Variants in N4BP2 observed in about 807,000 individuals in gnomAD.
N4BP2 encodes the protein NEDD4 binding protein 2.
In N4BP2, 91 loss-of-function variants were observed where a neutral mutation model predicts 152.8. The ratio of observed to expected loss-of-function variants is 0.60; its 90% CI spans 0.50 to 0.71. The LOEUF (loss-of-function observed/expected upper bound fraction) is 0.71, where lower values mean the gene tolerates loss of function less well. N4BP2 is among the 30% of genes least tolerant of loss of function. The pLI is 0.00. For synonymous variants in N4BP2, 646 were observed against 705.3 expected, an observed-to-expected ratio of 0.92 and a Z score of 1.33; for missense variants, 1,923 against 2,059.1, an observed-to-expected ratio of 0.93 and a Z score of 1.28.
intron 12 of N4BP2, among the ~76,000 whole-genome samples, chr4:40,129,153 A>G (rs182961079): frequency 1.6e-3 from 237 of 152,222 alleles, no homozygotes; most frequent in African/African-American, 5.4e-3. Flanking sequence ...GGCTCAAGCC[A>G]TCCTCCCACT....
At chr4:40,091,531 A>G (rs1035824528) in intron 2 of N4BP2, among the ~76,000 whole-genome samples, 4 of 149,546 alleles carry the variant, frequency 2.7e-5, no homozygotes, top group African/African-American at 9.8e-5. Flanking sequence ...ATGGTGGATT[A>G]TACTGATTTT....
chr4:40,186,928 A>C, the N4BP2 span, among the ~76,000 whole-genome samples: 1 of 152,124 alleles, frequency 6.6e-6, no homozygotes, highest in Non-Finnish European at 1.5e-5. Flanking sequence ...TTTTTTATCT[A>C]TGGGCCCAAT....
chr4:40,103,099 T>G lies in N4BP2; in HGVS notation c.1254T>G (p.Ser418Arg), dbSNP rs1299828685. 2 of 1,614,182 alleles carry G rather than the reference T, an allele frequency of 1.2e-6. No homozygotes were observed. Among genetic ancestry groups the G allele is most frequent in the Admixed American group, 3.3e-5 (2 of 60,024 alleles). Residue 418 changes from serine to arginine, a missense_variant, in exon 4 of 18, where the codon AGT becomes AGG. Ser to Arg is a moderately radical substitution (Grantham distance 110, BLOSUM62 -1). Transcript: ENST00000261435. ...TKVWRNKDGT[S>R]AYQVQETPVS... The stretch of plus-strand genomic sequence containing the variant: ...TATGGAGAAATAAAGATGGAACAAG[T>G]GCTTATCAAGTACAAGAAACCCCAG...
chr4:40,092,400 T>C (rs1367784417), intron 2 of N4BP2, among the ~76,000 whole-genome samples: 1 of 151,836 alleles, frequency 6.6e-6, no homozygotes, highest in East Asian at 1.9e-4. Context: ...CATTGGTCCA[T>C]TTCATATAAA....
rs187359399 is a variant in N4BP2, at chr4:40,059,753, G to T, written c.-212+2723G>T. On this transcript the variant is annotated intron_variant, in intron 1 of 17. Coordinates refer to ENST00000261435, the MANE Select transcript of N4BP2 (RefSeq NM_018177.6). ...TCATTGCCCTCGTCCTCATAGTAATGAAGTGGCTTATGTGTATGTACACAC... is the reference window on the plus strand; with the variant it reads ...TCATTGCCCTCGTCCTCATAGTAATTAAGTGGCTTATGTGTATGTACACAC... Among the ~76,000 whole-genome samples, 8 of 152,280 alleles carry T rather than the reference G, an allele frequency of 5.3e-5. No homozygotes were observed. In the East Asian group the frequency reaches 1.5e-3, roughly 29 times the overall value.
intron 5 of N4BP2, among the ~76,000 whole-genome samples, chr4:40,111,267 T>C (rs1427310037): frequency 6.6e-6 from 1 of 152,158 alleles, no homozygotes; most frequent in Non-Finnish European, 1.5e-5. Flanking sequence ...CTCAAGACTA[T>C]AGTTTGATTT....
At chr4:40,110,076 A>T (rs1716724774) in intron 5 of N4BP2, among the ~76,000 whole-genome samples, 1 of 152,188 alleles carries the variant, frequency 6.6e-6, no homozygotes, top group Admixed American at 6.5e-5. Flanking sequence ...TTCCTACAAC[A>T]TGTGGACTTT....
At chr4:40,109,126 A>G (rs1019864378) in intron 5 of N4BP2, among the ~76,000 whole-genome samples, 1 of 152,088 alleles carries the variant, frequency 6.6e-6, no homozygotes, top group African/African-American at 2.4e-5. Flanking sequence ...TCAGTCTTTT[A>G]TGATAAGTGT....
intron 2 of N4BP2, among the ~76,000 whole-genome samples, chr4:40,087,389 A>C (rs983213420): frequency 7.2e-5 from 11 of 151,986 alleles, no homozygotes; most frequent in African/African-American, 2.4e-4. Context: ...TTTGAGGCTA[A>C]GTCTCACTCT....
In N4BP2 at chr4:40,127,244, G is replaced by T. The variant is rs113370066; in HGVS notation, c.4527+914G>T. Among the ~76,000 whole-genome samples the T allele has an allele frequency of 5.9e-3, 890 of 150,316 alleles. 8 individuals carry two copies. The highest frequency in any genetic ancestry group is 0.021 in the African/African-American group (847 of 40,932). The stretch of plus-strand genomic sequence containing the variant: ...TTTTAATTTTATTTGTTTGAAACAG[G>T]GTCTTGCTCTGTTGCCCAGGCTGGA... On this transcript the variant is annotated intron_variant, in intron 12 of 17. Transcript: ENST00000261435.
intron 11 of N4BP2, among the ~76,000 whole-genome samples, chr4:40,125,661 G>T (rs529323547): frequency 1.2e-4 from 19 of 152,208 alleles, no homozygotes; most frequent in African/African-American, 4.3e-4. Context: ...CAAGGCGGGC[G>T]GATCACCTGA....
At chr4:40,106,690 A>G (rs958444745) in intron 4 of N4BP2, among the ~76,000 whole-genome samples, 1 of 152,128 alleles carries the variant, frequency 6.6e-6, no homozygotes, top group African/African-American at 2.4e-5. Context: ...CTGGGACTAT[A>G]GGCGCATGCC....
At chr4:40,081,712 A>G (rs1213610661) in intron 2 of N4BP2, among the ~76,000 whole-genome samples, 6 of 152,206 alleles carry the variant, frequency 3.9e-5, no homozygotes, top group Admixed American at 3.9e-4. Context: ...ACAGTGGCTC[A>G]TGCCTTTAAT....
chr4:40,102,958 C>T lies in N4BP2; in HGVS notation c.1113C>T (p.Asp371=). The part of the protein sequence containing the change: ...PMWNPMIPAF[D]LFQGNHGFVA... ...GGAATCCAATGATTCCTGCTTTTGA[C>T]CTCTTCCAAGGAAACCATGGCTTTG... The change falls in exon 4 of 18, where the codon GAC becomes GAT. Residue 371 remains aspartate, a synonymous_variant. Coordinates refer to ENST00000261435, the MANE Select transcript of N4BP2 (RefSeq NM_018177.6). 1 of 1,614,180 alleles carries T rather than the reference C, an allele frequency of 6.2e-7. No individual in the cohort carries two copies. The highest frequency in any genetic ancestry group is 8.5e-7 in the Non-Finnish European group (1 of 1,180,042).
intron 2 of N4BP2, among the ~76,000 whole-genome samples, chr4:40,096,397 G>A (rs1715109000): frequency 6.6e-6 from 1 of 152,170 alleles, no homozygotes; most frequent in Admixed American, 6.5e-5. Flanking sequence ...GGTTCCCAGG[G>A]GAGAACATTG....
chr4:40,065,048 G>A (rs1733937101), intron 1 of N4BP2, among the ~76,000 whole-genome samples: 1 of 152,122 alleles, frequency 6.6e-6, no homozygotes, highest in Non-Finnish European at 1.5e-5. Flanking sequence ...GATTACAAGC[G>A]TGAGCCACTG....
the N4BP2 span, among the ~76,000 whole-genome samples, chr4:40,174,878 T>C: frequency 1.3e-5 from 2 of 150,936 alleles, no homozygotes; most frequent in African/African-American, 2.4e-5. Context: ...AGATAGACTC[T>C]GGGATATTAT....
At chr4:40,087,667 C>T (rs1217114414) in intron 2 of N4BP2, among the ~76,000 whole-genome samples, 10 of 152,022 alleles carry the variant, frequency 6.6e-5, no homozygotes, top group Admixed American at 3.9e-4. Flanking sequence ...CCCCACTCCA[C>T]GTGCACCCCG....
At chr4:40,144,142 GGA>G (rs1353872764) in intron 15 of N4BP2, among the ~76,000 whole-genome samples, 1 of 152,048 alleles carries the variant, frequency 6.6e-6, no homozygotes, top group Non-Finnish European at 1.5e-5. Context: ...AAAGGCAGGA[GGA>G]GAACATCTGC....
Sources: allele counts gnomAD v4.1 joint callset (sites outside exome capture counted in the v4.1 genomes callset), GRCh38; gene constraint gnomAD v4.1.1; transcripts MANE v1.5; gene names NCBI Gene and HGNC (gene_info 2026-07-23, HGNC 2026-07-21).